HMGCLL1: variants seen among roughly 807,000 people sequenced by gnomAD.
The protein encoded by HMGCLL1 is 3-hydroxy-3-methylglutaryl-CoA lyase like 1.
HMGCLL1 carries 36 observed loss-of-function variants against 39.1 expected under a neutral mutation model. The observed-to-expected ratio is 0.92, with a 90% CI of 0.71 to 1.22. The LOEUF (loss-of-function observed/expected upper bound fraction) is 1.22. Among genes scored for constraint, HMGCLL1 ranks in the 50% most tolerant of loss-of-function variants. HMGCLL1 has a pLI of 0.00. For missense variants in HMGCLL1, 451 were observed against 416.5 expected (o/e 1.08, Z -0.72); for synonymous variants, 149 against 144.0 (o/e 1.03, Z -0.25).
At chr6:55,548,079 A>G (rs1054145833) in intron 1 of HMGCLL1, among the ~76,000 whole-genome samples, 4 of 152,056 alleles carry the variant, frequency 2.6e-5, no homozygotes, top group Non-Finnish European at 5.9e-5. Flanking sequence ...TAACCATGCA[A>G]AAATAAGTTT....
At chr6:55,677,369 A>G in the HMGCLL1 span, among the ~76,000 whole-genome samples, 1 of 152,184 alleles carries the variant, frequency 6.6e-6, no homozygotes, top group Non-Finnish European at 1.5e-5. Flanking sequence ...ATCTCAAAAC[A>G]AAACAGAAAC....
At chr6:55,515,083 T>C (rs1459914729) in intron 4 of HMGCLL1, among the ~76,000 whole-genome samples, 1 of 151,924 alleles carries the variant, frequency 6.6e-6, no homozygotes, top group Admixed American at 6.6e-5. Context: ...TGAAACCCCG[T>C]CTCTACTAAA....
intron 1 of HMGCLL1, among the ~76,000 whole-genome samples, chr6:55,560,777 C>T (rs1770907636): frequency 1.3e-5 from 2 of 152,138 alleles, no homozygotes; most frequent in South Asian, 2.1e-4. Context: ...TCCAAGAAAA[C>T]TCATAGCTAA....
At chr6:55,624,609 A>T in the HMGCLL1 span, among the ~76,000 whole-genome samples, 1 of 152,158 alleles carries the variant, frequency 6.6e-6, no homozygotes, top group African/African-American at 2.4e-5. Flanking sequence ...TATTATGCAG[A>T]TTGGATCCAG....
chr6:55,625,339 G>A, the HMGCLL1 span, among the ~76,000 whole-genome samples: 5 of 152,024 alleles, frequency 3.3e-5, no homozygotes, highest in East Asian at 1.9e-4. Flanking sequence ...ATAAGTGACC[G>A]GACTCGAGAA....
At chr6:55,522,414 A>T (rs1325738342) in intron 3 of HMGCLL1, among the ~76,000 whole-genome samples, 1 of 151,988 alleles carries the variant, frequency 6.6e-6, no homozygotes, top group East Asian at 1.9e-4. Context: ...AGAAAATAGA[A>T]CTTTCACTGA....
At chr6:55,639,765 T>C in the HMGCLL1 span, among the ~76,000 whole-genome samples, 4 of 151,976 alleles carry the variant, frequency 2.6e-5, no homozygotes, top group Non-Finnish European at 5.9e-5. Flanking sequence ...ATGAAAATTA[T>C]GAAGGAGAAA....
At chr6:55,450,986 T>C (rs1270851836) in intron 7 of HMGCLL1, among the ~76,000 whole-genome samples, 2 of 152,100 alleles carry the variant, frequency 1.3e-5, no homozygotes, top group South Asian at 2.1e-4. Flanking sequence ...CTGAGAGTCA[T>C]ACAAAGAGTT....
At chr6:55,608,320 G>C in the HMGCLL1 span, among the ~76,000 whole-genome samples, 1 of 152,166 alleles carries the variant, frequency 6.6e-6, no homozygotes, top group East Asian at 1.9e-4. Context: ...GACTCTGCCA[G>C]AGACAAATTC....
At chr6:55,467,369 A>G (rs1764838059) in intron 7 of HMGCLL1, among the ~76,000 whole-genome samples, 2 of 152,050 alleles carry the variant, frequency 1.3e-5, no homozygotes, top group African/African-American at 4.8e-5. Context: ...CAGGCTTCTT[A>G]CGTACAAGCA....
intron 6 of HMGCLL1, among the ~76,000 whole-genome samples, chr6:55,498,696 C>A (rs1052091590): frequency 2.0e-5 from 3 of 152,018 alleles, no homozygotes; most frequent in Non-Finnish European, 4.4e-5. Context: ...AGAAAATAAA[C>A]TTCAGTAATC....
At chr6:55,448,561 T>C (rs1172308904) in intron 7 of HMGCLL1, among the ~76,000 whole-genome samples, 1 of 152,054 alleles carries the variant, frequency 6.6e-6, no homozygotes, top group Non-Finnish European at 1.5e-5. Flanking sequence ...TTTCCTTCTT[T>C]TGCCAGTATC....
chr6:55,523,764 G>T (rs935971303), intron 3 of HMGCLL1, among the ~76,000 whole-genome samples: 2 of 151,848 alleles, frequency 1.3e-5, no homozygotes, highest in Non-Finnish European at 2.9e-5. Flanking sequence ...GGCACCAGAA[G>T]TATGTAAATA....
chr6:55,508,094 A>T (rs115861789), intron 5 of HMGCLL1, among the ~76,000 whole-genome samples: 36 of 151,904 alleles, frequency 2.4e-4, no homozygotes, highest in African/African-American at 8.7e-4. Flanking sequence ...CACAACAGCC[A>T]TCTTCCAGCC....
chr6:55,461,368 T>C (rs529483590), intron 7 of HMGCLL1, among the ~76,000 whole-genome samples: 13 of 152,090 alleles, frequency 8.5e-5, no homozygotes, highest in African/African-American at 3.1e-4. Context: ...GCAAATCACA[T>C]TGTAATTCTC....
intron 7 of HMGCLL1, among the ~76,000 whole-genome samples, chr6:55,471,121 A>C (rs1338277525): frequency 1.3e-5 from 2 of 151,790 alleles, no homozygotes; most frequent in Non-Finnish European, 2.9e-5. Flanking sequence ...TTACTTTAAA[A>C]TGTTATAATA....
chr6:55,516,641 C>T (rs756750264), intron 3 of HMGCLL1, 38 bp from the exon 4 acceptor site: 15 of 1,310,348 alleles, frequency 1.1e-5, no homozygotes, highest in Non-Finnish European at 6.5e-6. Context: ...TGTGTAACTT[C>T]GAATATGTTA....
At chr6:55,486,332 T>C (rs190822872) in intron 7 of HMGCLL1, among the ~76,000 whole-genome samples, 1 of 151,990 alleles carries the variant, frequency 6.6e-6, no homozygotes, top group Admixed American at 6.6e-5. Flanking sequence ...ATGTAAAATA[T>C]AGGTTTCATA....
At chr6:55,591,463 G>C in the HMGCLL1 span, among the ~76,000 whole-genome samples, 1 of 151,788 alleles carries the variant, frequency 6.6e-6, no homozygotes, top group Admixed American at 6.6e-5. Flanking sequence ...TTCTCTTTTC[G>C]TAAATCATGC....
Sources: gnomAD v4.1 joint callset for allele counts (sites outside exome capture counted in the v4.1 genomes callset) on GRCh38, gnomAD v4.1.1 for gene constraint, MANE v1.5 for transcripts, NCBI Gene and HGNC (gene_info 2026-07-23, HGNC 2026-07-21) for gene names.